STRN: variants seen among roughly 807,000 people sequenced by gnomAD.
STRN encodes protein phosphatase 2 regulatory subunit B'''alpha.
A neutral mutation model predicts 96.3 loss-of-function variants in STRN; 53 were observed. The ratio of observed to expected loss-of-function variants is 0.55; its 90% confidence interval spans 0.44 to 0.69. The LOEUF (loss-of-function observed/expected upper bound fraction) is 0.69, where lower values mean the gene tolerates loss of function less well. Among genes scored for constraint, STRN ranks in the 30% least tolerant of loss-of-function variants. The pLI is 0.00. For synonymous variants in STRN, 428 were observed against 355.9 expected, an observed-to-expected ratio of 1.20 and a Z score of -2.28; for missense variants, 987 against 963.9, an observed-to-expected ratio of 1.02 and a Z score of -0.32.
intron 1 of STRN, among the ~76,000 whole-genome samples, chr2:36,926,688 C>T (rs1320781302): frequency 1.3e-5 from 2 of 152,096 alleles, no homozygotes; most frequent in Non-Finnish European, 1.5e-5. Flanking sequence ...GTTTTCATTT[C>T]AATGTGCTCT....
chr2:36,965,405 C>T (rs981743306), intron 1 of STRN, among the ~76,000 whole-genome samples: 2 of 152,200 alleles, frequency 1.3e-5, no homozygotes, highest in South Asian at 2.1e-4. Context: ...GTTATCTCCT[C>T]CCTGGATATA....
intron 3 of STRN, among the ~76,000 whole-genome samples, chr2:36,906,754 C>G (rs1166805364): frequency 1.3e-5 from 2 of 151,726 alleles, no homozygotes; most frequent in Non-Finnish European, 2.9e-5. Flanking sequence ...GGCAAAAAAC[C>G]CCATATCTAC....
rs1670974311 is a variant in STRN, at chr2:36,946,080, A to G, written c.234+20150T>C. On this transcript the variant is annotated intron_variant, in intron 1 of 17. Coordinates refer to ENST00000263918, the MANE Select transcript of STRN (RefSeq NM_003162.4). The stretch of plus-strand genomic sequence containing the variant: ...TGGAAAATACTAGAAAAAGAGAGGT[A>G]TAAATACTGGAAAATACTAGAAAAA... Among the ~76,000 whole-genome samples the G allele has an allele frequency of 2.6e-5, 4 of 152,196 alleles. No individual in the cohort carries two copies. The East Asian group carries it at 7.7e-4, about 29-fold the overall frequency.
At chr2:36,867,500 T>G (rs944875289) in intron 12 of STRN, 1 of 193,260 alleles carries the variant, frequency 5.2e-6, no homozygotes, top group African/African-American at 2.3e-5. Flanking sequence ...AAGGAGGCAC[T>G]TGAATATTTT....
At chr2:36,963,531 C>T (rs1665080184) in intron 1 of STRN, among the ~76,000 whole-genome samples, 1 of 151,994 alleles carries the variant, frequency 6.6e-6, no homozygotes, top group South Asian at 2.1e-4. Flanking sequence ...TAAGGGGGGA[C>T]AAAGACCAGA....
intron 1 of STRN, among the ~76,000 whole-genome samples, chr2:36,940,610 G>A (rs1193139279): frequency 2.0e-5 from 3 of 150,152 alleles, no homozygotes; most frequent in Middle Eastern, 3.8e-3. Flanking sequence ...GATGCATCAC[G>A]AGGTCAGGAG....
chr2:36,856,971 A>C (rs1668361645), intron 14 of STRN, among the ~76,000 whole-genome samples: 1 of 152,028 alleles, frequency 6.6e-6, no homozygotes, highest in African/African-American at 2.4e-5. Context: ...AAGCCAAAGA[A>C]AAGTTGCTAT....
chr2:36,940,284 G>A (rs558596786), intron 1 of STRN, among the ~76,000 whole-genome samples: 118 of 152,190 alleles, frequency 7.8e-4, no homozygotes, highest in Non-Finnish European at 1.4e-3. Flanking sequence ...TTCTTAAAAG[G>A]TGAATATTAG....
At chr2:36,884,946 A>G (rs1669181557) in intron 8 of STRN, among the ~76,000 whole-genome samples, 1 of 152,186 alleles carries the variant, frequency 6.6e-6, no homozygotes, top group South Asian at 2.1e-4. Flanking sequence ...TTATCAAGAT[A>G]ACATGAACTG....
intron 9 of STRN, among the ~76,000 whole-genome samples, chr2:36,881,331 T>C (rs564802881): frequency 6.6e-6 from 1 of 152,278 alleles, no homozygotes; most frequent in Admixed American, 6.5e-5. Context: ...TTTTGCCATG[T>C]TGGCCAGGCT....
chr2:36,882,595 T>C (rs1338073379), intron 9 of STRN, among the ~76,000 whole-genome samples: 3 of 152,026 alleles, frequency 2.0e-5, no homozygotes, highest in Non-Finnish European at 4.4e-5. Flanking sequence ...GGCAAAACCA[T>C]GTCTCTACAA....
At chr2:36,934,343 T>A (rs13419776) in intron 1 of STRN, among the ~76,000 whole-genome samples, 1 of 152,174 alleles carries the variant, frequency 6.6e-6, no homozygotes, top group South Asian at 2.1e-4. Flanking sequence ...TATTAACTTG[T>A]AGAATATGCG....
At chr2:36,856,564 G>A (rs1411001481) in intron 14 of STRN, among the ~76,000 whole-genome samples, 4 of 152,110 alleles carry the variant, frequency 2.6e-5, no homozygotes, top group Admixed American at 6.5e-5. Flanking sequence ...TTTACATGAC[G>A]TTTGAGTAGA....
intron 2 of STRN, among the ~76,000 whole-genome samples, chr2:36,917,198 A>C (rs1670126756): frequency 1.3e-5 from 2 of 151,812 alleles, no homozygotes; most frequent in African/African-American, 4.8e-5. Flanking sequence ...AACCTAATAG[A>C]GCACTTACCG....
At chr2:36,951,668 A>C (rs1664755348) in intron 1 of STRN, among the ~76,000 whole-genome samples, 1 of 152,216 alleles carries the variant, frequency 6.6e-6, no homozygotes, top group African/African-American at 2.4e-5. Context: ...TTCATTTAAG[A>C]ACCACTTGTT....
intron 7 of STRN, among the ~76,000 whole-genome samples, chr2:36,892,333 G>C (rs1207249701): frequency 6.6e-6 from 1 of 152,048 alleles, no homozygotes; most frequent in Non-Finnish European, 1.5e-5. Context: ...TCAGTACATG[G>C]GTGACAGTAT....
At chr2:36,943,981 G>T (rs760421105) in intron 1 of STRN, among the ~76,000 whole-genome samples, 1 of 152,082 alleles carries the variant, frequency 6.6e-6, no homozygotes, top group South Asian at 2.1e-4. Context: ...TTAGCTGGAC[G>T]TGGTGGCGGG....
chr2:36,917,609 AC>A (rs1670142384), intron 2 of STRN, among the ~76,000 whole-genome samples: 1 of 151,982 alleles, frequency 6.6e-6, no homozygotes, highest in African/African-American at 2.4e-5. Flanking sequence ...TGTGTAAAAT[AC>A]TGAAATCTTT....
intron 10 of STRN, among the ~76,000 whole-genome samples, chr2:36,874,695 A>G (rs1183597486): frequency 6.6e-6 from 1 of 150,498 alleles, no homozygotes; most frequent in Non-Finnish European, 1.5e-5. Context: ...AAACAAAGAC[A>G]GTAAAATACT....
Sources: allele counts gnomAD v4.1 joint callset (sites outside exome capture counted in the v4.1 genomes callset), GRCh38; gene constraint gnomAD v4.1.1; transcripts MANE v1.5; gene names NCBI Gene and HGNC (gene_info 2026-07-23, HGNC 2026-07-21).